Variants in RTN4 observed in about 807,000 individuals in gnomAD.
The protein encoded by RTN4 is reticulon-4.
RTN4 carries 32 observed loss-of-function variants against 90.4 expected under a neutral mutation model. That is an observed-to-expected ratio of 0.35 (90% CI 0.27 to 0.48). The LOEUF (loss-of-function observed/expected upper bound fraction) is 0.48, where lower values mean the gene tolerates loss of function less well. RTN4 is among the 20% of genes least tolerant of loss of function. The probability of loss-of-function intolerance (pLI) is 0.99; values close to 1 mark genes in which losing one functional copy is unlikely to be tolerated. For synonymous variants in RTN4, 629 were observed against 552.5 expected (o/e 1.14, Z -1.94); for missense variants, 1,706 against 1,430.2 (o/e 1.19, Z -3.11).
chr2:55,100,864 A>G (rs1667840667), intron 1 of RTN4, among the ~76,000 whole-genome samples: 1 of 143,010 alleles, frequency 7.0e-6, no homozygotes, highest in South Asian at 2.2e-4. Context: ...TTTTCTCTTG[A>G]CAGCACTCTT....
At chr2:54,974,409 A>G (rs751406644) in intron 6 of RTN4, among the ~76,000 whole-genome samples, 4 of 152,150 alleles carry the variant, frequency 2.6e-5, no homozygotes, top group Non-Finnish European at 5.9e-5. Flanking sequence ...CCTCCGGAGT[A>G]GCTGGGATTA....
At chr2:55,087,049 A>G (rs1668854454) in intron 1 of RTN4, among the ~76,000 whole-genome samples, 1 of 152,170 alleles carries the variant, frequency 6.6e-6, no homozygotes, top group East Asian at 1.9e-4. Context: ...TGAGATTAAT[A>G]AACTTGTTTG....
intron 3 of RTN4, among the ~76,000 whole-genome samples, chr2:54,991,969 C>A (rs552824651): frequency 3.7e-4 from 56 of 152,278 alleles, no homozygotes; most frequent in African/African-American, 1.2e-3. Flanking sequence ...GATCTACATT[C>A]TCCAATCTCC....
At chr2:55,010,428 G>C in intron 3 of RTN4, 1 of 1,059,506 alleles carries the variant, frequency 9.4e-7, no homozygotes, top group African/African-American at 1.6e-5. Context: ...CATTTGCAGG[G>C]AGAGGGCAGG....
intron 2 of RTN4, among the ~76,000 whole-genome samples, chr2:55,059,416 C>T (rs989998304): frequency 4.6e-5 from 7 of 151,692 alleles, no homozygotes; most frequent in Non-Finnish European, 7.4e-5. Flanking sequence ...TGCAGTGGTG[C>T]GATCACGGCT....
intron 3 of RTN4, among the ~76,000 whole-genome samples, chr2:55,000,036 A>T (rs1478458207): frequency 6.6e-6 from 1 of 152,150 alleles, no homozygotes; most frequent in Non-Finnish European, 1.5e-5. Flanking sequence ...CACCCCTAAG[A>T]AATTATTTGA....
the RTN4 span, among the ~76,000 whole-genome samples, chr2:55,120,723 G>C: frequency 1.3e-5 from 2 of 152,094 alleles, no homozygotes; most frequent in African/African-American, 2.4e-5. Flanking sequence ...TTAGAGCAAC[G>C]GGGAAGGAGA....
At position 55,026,395 on chromosome 2, in the gene RTN4, A is replaced by G; in HGVS notation, c.1704T>C (p.Gly568=). ...ACESELNEVT[G]TKIAYETKMD... ...TTTTTGTTTCATAAGCAATCTTTGT[A>G]CCAGTAACTTCATTCAATTCACTTT... The change falls in exon 3 of 9, where the codon GGT becomes GGC. Residue 568 remains glycine (G), a synonymous_variant. Coordinates refer to ENST00000337526, the MANE Select transcript of RTN4 (RefSeq NM_020532.5). 1 of 1,613,934 alleles carries G rather than the reference A, an allele frequency of 6.2e-7. No homozygotes were observed. Among genetic ancestry groups the G allele is most frequent in the South Asian group, 1.1e-5 (1 of 91,074 alleles).
chr2:55,044,074 T>C (rs1245655495), intron 1 of RTN4, among the ~76,000 whole-genome samples: 2 of 151,590 alleles, frequency 1.3e-5, no homozygotes, highest in African/African-American at 4.9e-5. Context: ...TACGTGCCTG[T>C]GGTCCCAGCT....
At chr2:54,978,774 A>C (rs956586123) in intron 5 of RTN4, among the ~76,000 whole-genome samples, 19 of 152,182 alleles carry the variant, frequency 1.2e-4, no homozygotes, top group Non-Finnish European at 2.4e-4. Flanking sequence ...TTGTTATTTA[A>C]ATAAGAAAAA....
intron 3 of RTN4, among the ~76,000 whole-genome samples, chr2:54,995,993 T>C (rs1202103270): frequency 6.6e-6 from 1 of 152,116 alleles, no homozygotes; most frequent in Non-Finnish European, 1.5e-5. Context: ...AAAAAGCTAC[T>C]AGAAATAATG....
intron 1 of RTN4, among the ~76,000 whole-genome samples, chr2:55,038,680 T>A (rs1054530893): frequency 6.6e-6 from 1 of 152,214 alleles, no homozygotes; most frequent in Non-Finnish European, 1.5e-5. Flanking sequence ...GTGGAAGTGG[T>A]TGGGGGAACA....
chr2:55,043,702 A>T (rs1433373249), intron 1 of RTN4, among the ~76,000 whole-genome samples: 1 of 152,176 alleles, frequency 6.6e-6, no homozygotes, highest in Non-Finnish European at 1.5e-5. Flanking sequence ...CCTGGCCAAC[A>T]TGGTGAAACC....
At chr2:55,079,376 T>TTTTTG (rs1347624758) in intron 2 of RTN4, among the ~76,000 whole-genome samples, 1 of 152,156 alleles carries the variant, frequency 6.6e-6, no homozygotes, top group Non-Finnish European at 1.5e-5. Context: ...AGGAGAGTTT[T>TTTTTG]TTTTGTTTTG....
At chr2:54,974,803 C>T in intron 5 of RTN4, 39 bp from the exon 6 acceptor site, 1 of 1,558,014 alleles carries the variant, frequency 6.4e-7, no homozygotes, top group Non-Finnish European at 8.8e-7. Flanking sequence ...AAACAAAATT[C>T]AAGTAAAGTT....
chr2:55,030,216 C>T (rs1354470697), intron 1 of RTN4, among the ~76,000 whole-genome samples: 1 of 152,002 alleles, frequency 6.6e-6, no homozygotes, highest in Non-Finnish European at 1.5e-5. Flanking sequence ...ATGTACTGTA[C>T]TCTTATTCCT....
At chr2:55,106,120 C>T in intron 1 of RTN4, among the ~76,000 whole-genome samples, 1 of 152,036 alleles carries the variant, frequency 6.6e-6, no homozygotes, top group South Asian at 2.1e-4. Context: ...TAATATCATA[C>T]TGTTGAGATT....
At chr2:55,074,026 C>A (rs1376042318) in intron 2 of RTN4, among the ~76,000 whole-genome samples, 1 of 152,180 alleles carries the variant, frequency 6.6e-6, no homozygotes, top group Non-Finnish European at 1.5e-5. Context: ...ACTTGCCCAA[C>A]CTCAGCAATG....
intron 5 of RTN4, among the ~76,000 whole-genome samples, chr2:54,980,734 G>A (rs1459195148): frequency 6.6e-6 from 1 of 152,164 alleles, no homozygotes; most frequent in South Asian, 2.1e-4. Flanking sequence ...GTCCTTTGCT[G>A]TTTGAAGCTC....
Sources: gnomAD v4.1 joint callset for allele counts (sites outside exome capture counted in the v4.1 genomes callset) on GRCh38, gnomAD v4.1.1 for gene constraint, MANE v1.5 for transcripts, NCBI Gene and HGNC (gene_info 2026-07-23, HGNC 2026-07-21) for gene names.